PTPRD: variants seen among roughly 807,000 people sequenced by gnomAD.
The protein encoded by PTPRD is receptor-type tyrosine-protein phosphatase delta.
A neutral mutation model predicts 214.5 loss-of-function variants in PTPRD; 34 were observed. The ratio of observed to expected loss-of-function variants is 0.16; its 90% CI spans 0.12 to 0.21. PTPRD has a LOEUF of 0.21. PTPRD is among the 10% of genes least tolerant of loss of function. The pLI is 1.00. For synonymous variants in PTPRD, 1,128 were observed against 845.7 expected (o/e 1.33, Z -5.79); for missense variants, 2,545 against 2,398.7 (o/e 1.06, Z -1.27).
chr9:9,567,275 T>G (rs1187526909), intron 8 of PTPRD, among the ~76,000 whole-genome samples: 1 of 151,186 alleles, frequency 6.6e-6, no homozygotes, highest in Non-Finnish European at 1.5e-5. Context: ...CTGCTAGGGG[T>G]GGGATTGTTG....
At chr9:8,678,229 G>C (rs113359183) in intron 12 of PTPRD, among the ~76,000 whole-genome samples, 1 of 152,110 alleles carries the variant, frequency 6.6e-6, no homozygotes, top group African/African-American at 2.4e-5. Flanking sequence ...CATTTCACAC[G>C]AGGCTCCACA....
intron 7 of PTPRD, among the ~76,000 whole-genome samples, chr9:9,646,219 T>G (rs1428745594): frequency 1.3e-5 from 2 of 152,050 alleles, no homozygotes; most frequent in African/African-American, 4.8e-5. Flanking sequence ...GTCTGTAGAT[T>G]TGTTATCTTG....
intron 2 of PTPRD, among the ~76,000 whole-genome samples, chr9:10,391,825 T>G (rs1446708539): frequency 6.6e-6 from 1 of 151,818 alleles, no homozygotes; most frequent in African/African-American, 2.4e-5. Flanking sequence ...TACTGTGAAC[T>G]TACTCATGGT....
At chr9:9,637,021 C>A (rs2095794286) in intron 7 of PTPRD, among the ~76,000 whole-genome samples, 3 of 152,108 alleles carry the variant, frequency 2.0e-5, no homozygotes, top group Admixed American at 6.6e-5. Flanking sequence ...CTACATTAAA[C>A]CCTTTTTAAT....
intron 8 of PTPRD, among the ~76,000 whole-genome samples, chr9:9,506,818 G>T (rs529314616): frequency 6.6e-6 from 1 of 151,358 alleles, no homozygotes; most frequent in South Asian, 2.1e-4. Flanking sequence ...TGAGTCCTCT[G>T]AATGAAAAGG....
chr9:8,847,985 A>T (rs1218107275), intron 11 of PTPRD, among the ~76,000 whole-genome samples: 1 of 152,118 alleles, frequency 6.6e-6, no homozygotes, highest in Admixed American at 6.6e-5. Context: ...AGTTCTCTTT[A>T]TAAAAATGCT....
At chr9:8,329,668 A>T (rs1048543256) in intron 44 of PTPRD, among the ~76,000 whole-genome samples, 2 of 152,032 alleles carry the variant, frequency 1.3e-5, no homozygotes, top group African/African-American at 4.8e-5. Flanking sequence ...TTTTATCTGT[A>T]AGTAAGTCTG....
intron 11 of PTPRD, among the ~76,000 whole-genome samples, chr9:8,765,383 G>A (rs898566609): frequency 5.3e-5 from 8 of 152,106 alleles, no homozygotes; most frequent in East Asian, 1.9e-4. Flanking sequence ...GCAATCTCCC[G>A]CCATCTTCAT....
intron 39 of PTPRD, among the ~76,000 whole-genome samples, chr9:8,359,205 C>A: frequency 6.7e-6 from 1 of 149,854 alleles, no homozygotes; most frequent in Non-Finnish European, 1.5e-5. Context: ...TCTCAAAGTG[C>A]GGCCCCATGA....
intron 8 of PTPRD, among the ~76,000 whole-genome samples, chr9:9,402,976 A>AC (rs1238494965): frequency 1.3e-4 from 18 of 140,366 alleles, no homozygotes; most frequent in Non-Finnish European, 2.5e-4. Context: ...GAAAAAAAAA[A>AC]AAAAAAAAAA....
chr9:8,516,692 A>G (rs1358631992), intron 21 of PTPRD, among the ~76,000 whole-genome samples: 2 of 152,134 alleles, frequency 1.3e-5, no homozygotes, highest in African/African-American at 2.4e-5. Flanking sequence ...AGATTTCAAA[A>G]CAAGCCAACA....
chr9:9,381,893 T>C (rs1284252743), intron 9 of PTPRD, among the ~76,000 whole-genome samples: 2 of 142,230 alleles, frequency 1.4e-5, no homozygotes, highest in Non-Finnish European at 3.1e-5. Context: ...AGTATTGTTT[T>C]GACTATTTCT....
At chr9:9,789,796 C>CAAAAA (rs774579667) in intron 5 of PTPRD, among the ~76,000 whole-genome samples, 416 of 40,742 alleles carry the variant, frequency 0.01, 18 homozygotes, top group African/African-American at 0.028. Flanking sequence ...AACTCTGTCT[C>CAAAAA]AAAAAAAAAA....
intron 4 of PTPRD, among the ~76,000 whole-genome samples, chr9:9,956,616 T>C (rs936295809): frequency 1.3e-5 from 2 of 152,160 alleles, no homozygotes; most frequent in Non-Finnish European, 2.9e-5. Flanking sequence ...TAAATACTTA[T>C]TCTTCACAAA....
At chr9:10,572,038 T>C (rs566815951) in intron 2 of PTPRD, among the ~76,000 whole-genome samples, 16 of 152,186 alleles carry the variant, frequency 1.1e-4, no homozygotes, top group African/African-American at 3.9e-4. Flanking sequence ...CCTAATACAT[T>C]ACTCTATGTA....
intron 9 of PTPRD, among the ~76,000 whole-genome samples, chr9:9,348,408 T>C (rs2049765302): frequency 6.6e-6 from 1 of 152,164 alleles, no homozygotes; most frequent in Non-Finnish European, 1.5e-5. Flanking sequence ...AGGAGACCAT[T>C]ATCCAGTCAC....
At chr9:9,676,884 G>A (rs2096942254) in intron 7 of PTPRD, among the ~76,000 whole-genome samples, 1 of 152,140 alleles carries the variant, frequency 6.6e-6, no homozygotes, top group Non-Finnish European at 1.5e-5. Flanking sequence ...CAGTGATGAT[G>A]AGCATTTTTT....
At chr9:9,598,264 T>C (rs2154335257) in intron 7 of PTPRD, among the ~76,000 whole-genome samples, 1 of 152,156 alleles carries the variant, frequency 6.6e-6, no homozygotes, top group Non-Finnish European at 1.5e-5. Flanking sequence ...GAGTTATGCC[T>C]TTCTTCACCC....
intron 16 of PTPRD, among the ~76,000 whole-genome samples, chr9:8,526,939 C>T (rs1022372934): frequency 1.3e-4 from 19 of 150,576 alleles, no homozygotes; most frequent in Admixed American, 6.7e-4. Context: ...AGAATTATAT[C>T]TTATATGCCT....
Sources: allele counts gnomAD v4.1 joint callset (sites outside exome capture counted in the v4.1 genomes callset), GRCh38; gene constraint gnomAD v4.1.1; transcripts MANE v1.5; gene names NCBI Gene and HGNC (gene_info 2026-07-23, HGNC 2026-07-21).